Variants in SMIM31 observed in about 807,000 individuals in gnomAD.
SMIM31 encodes human epithelial cell program regulator.
In SMIM31 at chr4:164,803,702, G is replaced by C. The variant is rs1412879427; in HGVS notation, c.*2508G>C. The C allele has an allele frequency of 6.6e-6, 1 of 152,190 alleles. No homozygotes were observed. The highest frequency in any genetic ancestry group is 2.4e-5 in the African/African-American group (1 of 41,420). 9.4% of individuals were successfully genotyped at this position (152,190 alleles called of 1,614,324 possible). ...CCTAGCTACTCAGGAGGCTGAGGCAGGAGAATCACTTGAACCTGGGAGGCG... is the reference window on the plus strand; with the variant it reads ...CCTAGCTACTCAGGAGGCTGAGGCACGAGAATCACTTGAACCTGGGAGGCG... On this transcript the variant is annotated 3_prime_UTR_variant, in exon 3 of 3. Coordinates refer to ENST00000507311, the MANE Select transcript of SMIM31 (RefSeq NM_001352885.1).
At chr4:164,758,639 T>TTG (rs1553964705) in intron 1 of SMIM31, among the ~76,000 whole-genome samples, 1 of 127,766 alleles carries the variant, frequency 7.8e-6, no homozygotes, top group African/African-American at 2.8e-5. Context: ...TGTTTTTTTT[T>TTG]TTTTTTTTTT....
intron 2 of SMIM31, among the ~76,000 whole-genome samples, chr4:164,775,253 T>C (rs950951487): frequency 2.0e-5 from 3 of 152,192 alleles, no homozygotes; most frequent in East Asian, 3.8e-4. Flanking sequence ...CTAAGACCCA[T>C]GAAGACTCCC....
At chr4:164,754,678 T>G (rs1163950400) in intron 1 of SMIM31, among the ~76,000 whole-genome samples, 1 of 151,486 alleles carries the variant, frequency 6.6e-6, no homozygotes, top group Non-Finnish European at 1.5e-5. Flanking sequence ...TTTGGTTTAT[T>G]TGTCCTAGTT....
chr4:164,768,007 G>T (rs1382978720), intron 1 of SMIM31, among the ~76,000 whole-genome samples: 1 of 151,968 alleles, frequency 6.6e-6, no homozygotes, highest in East Asian at 1.9e-4. Context: ...GGCAAGGTGG[G>T]TGATTGCTTG....
intron 2 of SMIM31, among the ~76,000 whole-genome samples, chr4:164,786,263 G>T (rs1733024566): frequency 6.6e-6 from 1 of 152,058 alleles, no homozygotes; most frequent in Admixed American, 6.6e-5. Flanking sequence ...AGCCTTTGTG[G>T]CTCCAGTTTT....
intron 2 of SMIM31, among the ~76,000 whole-genome samples, chr4:164,798,859 G>A (rs1265335333): frequency 4.6e-5 from 7 of 152,066 alleles, no homozygotes; most frequent in African/African-American, 7.2e-5. Flanking sequence ...CCATCCCCTC[G>A]GTGCTGTCCT....
chr4:164,768,059 C>T (rs1374275620), intron 1 of SMIM31, among the ~76,000 whole-genome samples: 1 of 132,196 alleles, frequency 7.6e-6, no homozygotes, highest in African/African-American at 2.6e-5. Context: ...ATAATGAGAC[C>T]TTGTCTCTAC....
chr4:164,782,939 G>A (rs1242576889), intron 2 of SMIM31, among the ~76,000 whole-genome samples: 1 of 152,022 alleles, frequency 6.6e-6, no homozygotes, highest in African/African-American at 2.4e-5. Flanking sequence ...GAATTTCCAG[G>A]CCAGGTGTGG....
chr4:164,756,162 A>C (rs1457207772), intron 1 of SMIM31, among the ~76,000 whole-genome samples: 2 of 152,230 alleles, frequency 1.3e-5, no homozygotes, highest in Non-Finnish European at 2.9e-5. Context: ...TGATTCAATG[A>C]ATTTTAATGG....
chr4:164,795,952 AC>A (rs1400126575), intron 2 of SMIM31, among the ~76,000 whole-genome samples: 1 of 151,792 alleles, frequency 6.6e-6, no homozygotes, highest in Admixed American at 6.6e-5. Flanking sequence ...CTACAGAGAA[AC>A]CCCCACCTTC....
At chr4:164,792,169 T>C (rs925627321) in intron 2 of SMIM31, among the ~76,000 whole-genome samples, 6 of 152,230 alleles carry the variant, frequency 3.9e-5, no homozygotes, top group African/African-American at 1.4e-4. Context: ...TGCTCTCAAG[T>C]GACATCATGG....
intron 1 of SMIM31, among the ~76,000 whole-genome samples, chr4:164,766,526 C>T (rs945083389): frequency 4.7e-4 from 71 of 152,176 alleles, no homozygotes; most frequent in African/African-American, 1.6e-3. Context: ...TAGCCAGGCA[C>T]GGTGGCTCAC....
intron 2 of SMIM31, among the ~76,000 whole-genome samples, chr4:164,774,261 G>A (rs1187820317): frequency 6.6e-6 from 1 of 151,574 alleles, no homozygotes; most frequent in Admixed American, 6.6e-5. Flanking sequence ...CTGGGTCAAT[G>A]TCTTTGTTTT....
chr4:164,803,453 A>G lies in SMIM31; in HGVS notation c.*2259A>G, dbSNP rs1229456534. The stretch of plus-strand genomic sequence containing the variant: ...AAATTTTAAAAACCTGTCAAGTTAG[A>G]TGTTAAAGAGGACATGTAAAATAAA... On this transcript the variant is annotated 3_prime_UTR_variant, in exon 3 of 3. Transcript: ENST00000507311. The G allele has an allele frequency of 6.6e-6, 1 of 152,138 alleles. No individual in the cohort carries two copies. The highest frequency in any genetic ancestry group is 1.5e-5 in the Non-Finnish European group (1 of 68,030). The allele number at this position is 152,138 out of a possible 1,614,324, so 9.4% of individuals were successfully genotyped here. A position where few individuals can be genotyped will look rare whatever the true frequency, so the allele number is the denominator to read the frequency against.
At chr4:164,783,175 G>T (rs912878692) in intron 2 of SMIM31, among the ~76,000 whole-genome samples, 7 of 144,410 alleles carry the variant, frequency 4.8e-5, no homozygotes, top group Non-Finnish European at 9.0e-5. Flanking sequence ...CCGAGATCAG[G>T]CCACTGCACT....
At chr4:164,786,971 T>C (rs1368545132) in intron 2 of SMIM31, among the ~76,000 whole-genome samples, 1 of 152,158 alleles carries the variant, frequency 6.6e-6, no homozygotes, top group Non-Finnish European at 1.5e-5. Context: ...AATAGAACCA[T>C]GAGGCTACAG....
chr4:164,761,348 ACT>A (rs1222902803), intron 1 of SMIM31, among the ~76,000 whole-genome samples: 1 of 152,236 alleles, frequency 6.6e-6, no homozygotes, highest in Non-Finnish European at 1.5e-5. Context: ...TAATTCTATT[ACT>A]GAGTCATTCA....
chr4:164,776,129 C>A lies in SMIM31; in HGVS notation c.112+5574C>A, dbSNP rs1579066781. 3.9e-5 allele frequency among the ~76,000 whole-genome samples: 6 copies of A among 152,164 alleles called. 1 individual carries two copies. In the South Asian group the frequency reaches 1.0e-3, roughly 26 times the overall value. Reference sequence around the variant, plus strand: ...GTCCACCAATAATCCCCTCCTCCCCCTCTACTTGAATCTTACTTATTCTTC... The same window carrying A: ...GTCCACCAATAATCCCCTCCTCCCCATCTACTTGAATCTTACTTATTCTTC... On this transcript the variant is annotated intron_variant, in intron 2 of 2. Coordinates refer to ENST00000507311, the MANE Select transcript of SMIM31 (RefSeq NM_001352885.1).
chr4:164,771,257 C>T (rs562981586), intron 2 of SMIM31, among the ~76,000 whole-genome samples: 2 of 152,108 alleles, frequency 1.3e-5, no homozygotes, highest in African/African-American at 2.4e-5. Context: ...TTGCAGATTG[C>T]GAAACATAAT....
Sources: allele counts gnomAD v4.1 joint callset (sites outside exome capture counted in the v4.1 genomes callset), GRCh38; gene constraint gnomAD v4.1.1; transcripts MANE v1.5; gene names NCBI Gene and HGNC (gene_info 2026-07-23, HGNC 2026-07-21).